The following ZNF280D variants were observed in gnomAD, a reference collection of about 807,000 sequenced individuals.
ZNF280D encodes zinc finger protein 280D.
A neutral mutation model predicts 94.7 loss-of-function variants in ZNF280D; 39 were observed. That is an observed-to-expected ratio of 0.41 (90% confidence interval 0.32 to 0.54). The LOEUF is 0.54. ZNF280D is among the 20% of genes least tolerant of loss of function. The pLI, the probability that ZNF280D is intolerant of heterozygous loss-of-function variation, is 0.22. For synonymous variants in ZNF280D, 398 were observed against 377.6 expected (o/e 1.05, Z -0.63); for missense variants, 1,090 against 1,149.3 (o/e 0.95, Z 0.75).
rs146679775 is a variant in ZNF280D, at chr15:56,666,522, T to G, written c.1867A>C (p.Ile623Leu). The change falls in exon 16 of 22, where the codon ATT becomes CTT. Residue 623 changes from isoleucine (I) to leucine (L), a missense_variant. Around this residue, in one of 3 missense-constraint regions of ZNF280D, gnomAD observed 577 missense variants for 568.8 expected, o/e 1.01. Coordinates refer to ENST00000267807, the MANE Select transcript of ZNF280D (RefSeq NM_017661.4). ...ALRNLRYRRG[I>L]HKCIECCSEI... ...GAACAACACTCAATGCATTTGTGAA[T>G]GCCCCGACGATACCTTAGGGAGACA... The G allele has an allele frequency of 6.3e-7, 1 of 1,593,360 alleles. No individual in the cohort carries two copies. The highest frequency in any genetic ancestry group is 1.2e-5 in the South Asian group (1 of 86,284).
chr15:56,687,207 T>TAAC (rs2056085245), intron 9 of ZNF280D, among the ~76,000 whole-genome samples: 1 of 152,138 alleles, frequency 6.6e-6, no homozygotes, highest in Admixed American at 6.5e-5. Flanking sequence ...ATCTTCAACT[T>TAAC]AGTTCAGTTG....
intron 1 of ZNF280D, among the ~76,000 whole-genome samples, chr15:56,712,630 G>GA (rs2057825408): frequency 1.8e-5 from 2 of 113,190 alleles, no homozygotes; most frequent in African/African-American, 3.2e-5. Context: ...AGAAAGAAAA[G>GA]AAAAAACACT....
In ZNF280D at chr15:56,631,306, T is replaced by C. The variant is rs1206977979; in HGVS notation, c.*192A>G. The C allele has an allele frequency of 9.3e-6, 5 of 539,088 alleles. No individual in the cohort carries two copies. The African/African-American group carries it at 9.4e-5, about 10-fold the overall frequency. 33.4% of individuals were successfully genotyped at this position (539,088 alleles called of 1,614,324 possible). On this transcript the variant is annotated 3_prime_UTR_variant, in exon 22 of 22. Transcript: ENST00000267807. ...CGTGTTTTTAAAAACTTTTTGGGAATCCCTACTAATCATGCTATTATTGGT... is the reference window on the plus strand; with the variant it reads ...CGTGTTTTTAAAAACTTTTTGGGAACCCCTACTAATCATGCTATTATTGGT...
chr15:56,657,589 A>G (rs1246818543), intron 17 of ZNF280D, among the ~76,000 whole-genome samples: 1 of 152,224 alleles, frequency 6.6e-6, no homozygotes, highest in Admixed American at 6.5e-5. Context: ...ACAACTCTCT[A>G]ATGTCCAGTA....
intron 1 of ZNF280D, among the ~76,000 whole-genome samples, chr15:56,710,450 G>A (rs1322326805): frequency 4.0e-5 from 6 of 151,578 alleles, no homozygotes; most frequent in Admixed American, 6.6e-5. Flanking sequence ...AAAAAAAGAG[G>A]ACTCTCAACT....
chr15:56,633,357 GAACTA>G (rs1292673787), intron 21 of ZNF280D, among the ~76,000 whole-genome samples: 2 of 151,794 alleles, frequency 1.3e-5, no homozygotes, highest in Non-Finnish European at 2.9e-5. Flanking sequence ...ATATACTTTA[GAACTA>G]AACAAATCAC....
chr15:56,706,375 G>A (rs1294186959), intron 3 of ZNF280D, among the ~76,000 whole-genome samples: 1 of 151,750 alleles, frequency 6.6e-6, no homozygotes, highest in African/African-American at 2.4e-5. Flanking sequence ...CTACTCAGGA[G>A]GCTGAGGCGG....
intron 9 of ZNF280D, among the ~76,000 whole-genome samples, chr15:56,682,727 T>C (rs1324329576): frequency 1.3e-5 from 2 of 151,976 alleles, no homozygotes; most frequent in Non-Finnish European, 2.9e-5. Context: ...GACATGGCCA[T>C]AGCTCTAACA....
At chr15:56,682,868 T>C (rs2055727246) in intron 9 of ZNF280D, among the ~76,000 whole-genome samples, 1 of 152,076 alleles carries the variant, frequency 6.6e-6, no homozygotes, top group African/African-American at 2.4e-5. Context: ...TTGATGTATA[T>C]ATTTAATTAT....
At chr15:56,696,614 A>G (rs1310416525) in intron 6 of ZNF280D, among the ~76,000 whole-genome samples, 6 of 152,246 alleles carry the variant, frequency 3.9e-5, no homozygotes, top group African/African-American at 1.4e-4. Flanking sequence ...CATTCCATGA[A>G]AAAGTAAAAA....
At chr15:56,679,189 ACT>A (rs1445970681) in intron 10 of ZNF280D, among the ~76,000 whole-genome samples, 1 of 152,116 alleles carries the variant, frequency 6.6e-6, no homozygotes, top group Non-Finnish European at 1.5e-5. Flanking sequence ...AAGAAAGGAA[ACT>A]CTATATCCAT....
intron 1 of ZNF280D, among the ~76,000 whole-genome samples, chr15:56,730,867 A>G (rs1252836951): frequency 6.6e-6 from 1 of 152,322 alleles, no homozygotes. Flanking sequence ...TAATGCCAAA[A>G]TATCACACCA....
At chr15:56,639,656 G>T (rs1368303022) in intron 20 of ZNF280D, among the ~76,000 whole-genome samples, 1 of 152,110 alleles carries the variant, frequency 6.6e-6, no homozygotes, top group African/African-American at 2.4e-5. Context: ...TTTAAAAACT[G>T]CATGGGAATT....
intron 1 of ZNF280D, among the ~76,000 whole-genome samples, chr15:56,731,193 A>G (rs1342083701): frequency 2.0e-5 from 3 of 152,204 alleles, no homozygotes; most frequent in African/African-American, 7.2e-5. Context: ...GAAAGACTAC[A>G]GACCAGGTCT....
chr15:56,728,619 T>G (rs775844232), intron 1 of ZNF280D, among the ~76,000 whole-genome samples: 1 of 152,130 alleles, frequency 6.6e-6, no homozygotes, highest in Non-Finnish European at 1.5e-5. Flanking sequence ...AGGGAAGCAT[T>G]TGAAATTTAG....
At chr15:56,703,866 AAATAAAT>A (rs781277127) in intron 4 of ZNF280D, among the ~76,000 whole-genome samples, 1 of 2,424 alleles carries the variant, frequency 4.1e-4, no homozygotes, top group Non-Finnish European at 0.022. Flanking sequence ...ATAAATAAAT[AAATAAAT>A]AATTACTTAA....
At chr15:56,657,731 C>A (rs1435765994) in intron 17 of ZNF280D, among the ~76,000 whole-genome samples, 1 of 151,992 alleles carries the variant, frequency 6.6e-6, no homozygotes, top group Non-Finnish European at 1.5e-5. Context: ...AAAGTGTTGG[C>A]AAATATGTGG....
At chr15:56,719,703 T>C (rs2058243263) in intron 1 of ZNF280D, among the ~76,000 whole-genome samples, 1 of 152,084 alleles carries the variant, frequency 6.6e-6, no homozygotes, top group South Asian at 2.1e-4. Context: ...ACCTCGGAGA[T>C]ATTGAGGGCT....
At chr15:56,713,801 T>C (rs1329711855) in intron 1 of ZNF280D, among the ~76,000 whole-genome samples, 1 of 152,200 alleles carries the variant, frequency 6.6e-6, no homozygotes, top group East Asian at 1.9e-4. Context: ...ACTCCTGTTG[T>C]ACATCCCCTT....
Sources: gnomAD v4.1 joint callset for allele counts (sites outside exome capture counted in the v4.1 genomes callset) on GRCh38, gnomAD v4.1.1 for gene constraint, gnomAD v4.1.1 regional missense constraint, MANE v1.5 for transcripts, NCBI Gene and HGNC (gene_info 2026-07-23, HGNC 2026-07-21) for gene names.